LYG2: variants seen among roughly 807,000 people sequenced by gnomAD.
LYG2 encodes lysozyme g2, also known as lysozyme g-like protein 2.
In LYG2, 25 loss-of-function variants were observed where a neutral mutation model predicts 22.4. The observed-to-expected ratio is 1.12, with a 90% CI of 0.81 to 1.56. The LOEUF is 1.56. LYG2 is among the 40% of genes most tolerant of loss of function. LYG2 has a pLI of 0.00. For synonymous variants in LYG2, 88 were observed against 97.0 expected (o/e 0.91, Z 0.55); for missense variants, 266 against 269.5 (o/e 0.99, Z 0.09).
chr2:99,242,538 A>C (rs2094008347), intron 6 of LYG2, 56 bp from the exon 7 acceptor site: 1 of 1,218,020 alleles, frequency 8.2e-7, no homozygotes, highest in Non-Finnish European at 1.2e-6. Context: ...AGAAATAAGC[A>C]ATGAGCATTG....
At chr2:99,250,684 A>G (rs573838389) in intron 3 of LYG2, among the ~76,000 whole-genome samples, 2 of 152,024 alleles carry the variant, frequency 1.3e-5, no homozygotes, top group Admixed American at 6.5e-5. Flanking sequence ...GCATTTTCCA[A>G]CTCTTTAGTT....
chr2:99,258,326 G>T (rs1397722286), upstream of LYG2, among the ~76,000 whole-genome samples: 1 of 152,224 alleles, frequency 6.6e-6, no homozygotes, highest in East Asian at 1.9e-4. Context: ...ATAAACTACA[G>T]TGCTTCATAG....
intron 6 of LYG2, 34 bp downstream of exon 6, chr2:99,243,965 C>G (rs764213588): frequency 6.2e-7 from 1 of 1,613,256 alleles, no homozygotes; most frequent in Non-Finnish European, 8.5e-7. Flanking sequence ...TCATTCATTG[C>G]TCATTTAAAC....
upstream of LYG2, among the ~76,000 whole-genome samples, chr2:99,257,037 T>G (rs1371605548): frequency 6.6e-6 from 1 of 152,214 alleles, no homozygotes; most frequent in African/African-American, 2.4e-5. Context: ...GCCTGTAAGA[T>G]TCCAAAATCC....
chr2:99,256,398 G>A (rs11676581), upstream of LYG2, among the ~76,000 whole-genome samples: 57,881 of 151,950 alleles, frequency 0.38, 11,887 homozygotes, highest in East Asian at 0.64. Context: ...CTGCAGTCAG[G>A]ACCACTCTTG....
upstream of LYG2, among the ~76,000 whole-genome samples, chr2:99,259,790 A>T (rs570346522): frequency 6.6e-6 from 1 of 151,812 alleles, no homozygotes; most frequent in African/African-American, 2.4e-5. Context: ...ACGCTCTTTT[A>T]AAAAAAATAT....
At chr2:99,243,585 G>C in intron 6 of LYG2, 11 of 1,231,640 alleles carry the variant, frequency 8.9e-6, no homozygotes, top group Non-Finnish European at 1.2e-5. Flanking sequence ...TCCCAGGCTG[G>C]AGTGCAGTGA....
chr2:99,246,462 A>T (rs2094016195), intron 4 of LYG2, among the ~76,000 whole-genome samples: 1 of 152,234 alleles, frequency 6.6e-6, no homozygotes, highest in Non-Finnish European at 1.5e-5. Context: ...CAATACATGG[A>T]AATAAACACA....
chr2:99,254,298 G>A lies in LYG2; in HGVS notation c.-25-13C>T. 6.3e-7 allele frequency: 1 copy of A among 1,597,192 alleles called. No individual in the cohort carries two copies. The highest frequency in any genetic ancestry group is 1.1e-5 in the South Asian group (1 of 88,484). On this transcript the variant is annotated splice_polypyrimidine_tract_variant and intron_variant, in intron 2 of 6. Transcript: ENST00000333017. Reference sequence around the variant, plus strand: ...TATCTTCCAGGACCTGCTCTGATTTGAAATAGAAACTGGTTAATTTTAAAA... The same window carrying A: ...TATCTTCCAGGACCTGCTCTGATTTAAAATAGAAACTGGTTAATTTTAAAA...
At chr2:99,243,268 A>G in intron 6 of LYG2, 2 of 650,036 alleles carry the variant, frequency 3.1e-6, no homozygotes, top group South Asian at 2.2e-5. Context: ...AAGACATGTA[A>G]AATGCAGAAG....
Position 99,254,290 on chromosome 2 carries a change from T to A in LYG2, c.-25-5A>T. The stretch of plus-strand genomic sequence containing the variant: ...GGGAATCTTATCTTCCAGGACCTGC[T>A]CTGATTTGAAATAGAAACTGGTTAA... On this transcript the variant is annotated splice_polypyrimidine_tract_variant and splice_region_variant and intron_variant, in intron 2 of 6. Coordinates refer to ENST00000333017, the MANE Select transcript of LYG2 (RefSeq NM_175735.4). 1 of 1,607,968 alleles carries A rather than the reference T, an allele frequency of 6.2e-7. No individual in the cohort carries two copies.
chr2:99,255,477 A>T (rs1025455158), intron 1 of LYG2, among the ~76,000 whole-genome samples, 126 bp downstream of exon 1: 1 of 152,240 alleles, frequency 6.6e-6, no homozygotes, highest in Non-Finnish European at 1.5e-5. Context: ...ATATTTTGAT[A>T]GATTGTTTCT....
chr2:99,259,864 C>T (rs939127760), upstream of LYG2, among the ~76,000 whole-genome samples: 1 of 152,054 alleles, frequency 6.6e-6, no homozygotes, highest in Non-Finnish European at 1.5e-5. Context: ...TGCAAGTAAC[C>T]ATCACCATAA....
chr2:99,245,534 G>A (rs933629445), intron 4 of LYG2, 76 bp from the exon 5 acceptor site: 2 of 881,782 alleles, frequency 2.3e-6, no homozygotes, highest in African/African-American at 1.7e-5. Flanking sequence ...TACACAGGAG[G>A]CTGAAACAGG....
At chr2:99,260,764 T>C in the LYG2 span, among the ~76,000 whole-genome samples, 1 of 152,188 alleles carries the variant, frequency 6.6e-6, no homozygotes, top group Non-Finnish European at 1.5e-5. Context: ...GAAATTGGCC[T>C]GAGGCAGGAA....
At chr2:99,246,063 A>C in intron 4 of LYG2, among the ~76,000 whole-genome samples, 1 of 152,192 alleles carries the variant, frequency 6.6e-6, no homozygotes, top group Non-Finnish European at 1.5e-5. Context: ...AGCCGAGATC[A>C]TGCCATCGCA....
chr2:99,258,492 G>A (rs1388743021), upstream of LYG2, among the ~76,000 whole-genome samples: 1 of 152,134 alleles, frequency 6.6e-6, no homozygotes, highest in Non-Finnish European at 1.5e-5. Flanking sequence ...CTCCAGCCAT[G>A]AAGAAAACTT....
intron 3 of LYG2, among the ~76,000 whole-genome samples, chr2:99,247,266 C>G (rs2094017725): frequency 6.6e-6 from 1 of 151,878 alleles, no homozygotes; most frequent in South Asian, 2.1e-4. Flanking sequence ...CTTATTTTCT[C>G]TTTTTGTAGA....
intron 2 of LYG2, among the ~76,000 whole-genome samples, 179 bp downstream of exon 2, chr2:99,254,841 A>T (rs1462814183): frequency 6.6e-6 from 1 of 152,096 alleles, no homozygotes; most frequent in Admixed American, 6.6e-5. Flanking sequence ...GGGTGTTTCC[A>T]TTCTTATACC....
Sources: gnomAD v4.1 joint callset for allele counts (sites outside exome capture counted in the v4.1 genomes callset) on GRCh38, gnomAD v4.1.1 for gene constraint, MANE v1.5 for transcripts, NCBI Gene and HGNC (gene_info 2026-07-23, HGNC 2026-07-21) for gene names.